ALPL: variants seen among roughly 807,000 people sequenced by gnomAD.
ALPL encodes the protein alkaline phosphatase, tissue-nonspecific isozyme.
Under a neutral mutation model 51.3 loss-of-function variants are expected in ALPL, and 42 were observed. The ratio of observed to expected loss-of-function variants is 0.82; its 90% CI spans 0.64 to 1.06. The LOEUF (loss-of-function observed/expected upper bound fraction) is 1.06, where lower values mean the gene tolerates loss of function less well. ALPL is among the 50% of genes least tolerant of loss of function. ALPL has a pLI of 0.00. For synonymous variants in ALPL, 279 were observed against 296.4 expected, an observed-to-expected ratio of 0.94 and a Z score of 0.60; for missense variants, 589 against 709.4, an observed-to-expected ratio of 0.83 and a Z score of 1.93.
chr1:21,575,671 G>A lies in ALPL; in HGVS notation c.998-62G>A, dbSNP rs1443947682. On this transcript the variant is annotated intron_variant, in intron 9 of 11. Transcript: ENST00000374840. ...GGTTAATCCAGCAGCAGTGTTGTGG[G>A]GCTGGGGAGCAGATCTTCCTCCCCT... 1.0e-5 allele frequency: 16 copies of A among 1,591,556 alleles called. 1 individual carries two copies. The highest frequency in any genetic ancestry group is 2.0e-4 in the Middle Eastern group (1 of 5,106).
At chr1:21,530,330 C>T (rs1285131785) in intron 1 of ALPL, among the ~76,000 whole-genome samples, 1 of 152,146 alleles carries the variant, frequency 6.6e-6, no homozygotes, top group African/African-American at 2.4e-5. Context: ...TATCTCTAAT[C>T]AGTTTGGGTT....
intron 10 of ALPL, 80 bp from the exon 11 acceptor site, chr1:21,576,442 A>G (rs1393642983): frequency 6.3e-7 from 1 of 1,574,830 alleles, no homozygotes; most frequent in Non-Finnish European, 8.7e-7. Flanking sequence ...TTACCAAGCC[A>G]CCAAGGAGCC....
chr1:21,555,441 ACT>A (rs1183098928), intron 2 of ALPL, among the ~76,000 whole-genome samples: 1 of 152,072 alleles, frequency 6.6e-6, no homozygotes, highest in Non-Finnish European at 1.5e-5. Flanking sequence ...ACAGAGACAG[ACT>A]CTCACTCTGT....
At chr1:21,528,267 G>T (rs1218442160) in intron 1 of ALPL, among the ~76,000 whole-genome samples, 2 of 151,102 alleles carry the variant, frequency 1.3e-5, no homozygotes, top group Non-Finnish European at 2.9e-5. Context: ...CGATCCTCCT[G>T]CCGTGGCCTC....
intron 8 of ALPL, 86 bp downstream of exon 8, chr1:21,570,460 CT>C: frequency 1.4e-6 from 2 of 1,406,478 alleles, no homozygotes; most frequent in East Asian, 4.6e-5. Flanking sequence ...GGACAAGGCC[CT>C]AGCCTGACGC....
At chr1:21,527,330 C>A (rs1022261437) in intron 1 of ALPL, among the ~76,000 whole-genome samples, 1 of 152,112 alleles carries the variant, frequency 6.6e-6, no homozygotes, top group Admixed American at 6.6e-5. Flanking sequence ...CCACGCCCGG[C>A]CCTTCTTGTT....
At position 21,554,912 on chromosome 1, in the gene ALPL, T is replaced by C. The variant is rs1174446633; in HGVS notation, c.61+770T>C. 3.5e-3 allele frequency among the ~76,000 whole-genome samples: 136 copies of C among 38,692 alleles called. 1 individual carries two copies. Among genetic ancestry groups the C allele is most frequent in the Admixed American group, 8.0e-3 (31 of 3,852 alleles). 25.4% of individuals were successfully genotyped at this position (38,692 alleles called of 152,430 possible). On this transcript the variant is annotated intron_variant, in intron 2 of 11. Coordinates refer to ENST00000374840, the MANE Select transcript of ALPL (RefSeq NM_000478.6). The stretch of plus-strand genomic sequence containing the variant: ...TTTTCTTTCTTTCTTTCTTTCTCTT[T>C]TCTTTCTTTCTTTCTTTCTTTTCTT...
At chr1:21,527,076 A>G (rs1486914666) in intron 1 of ALPL, among the ~76,000 whole-genome samples, 1 of 126,672 alleles carries the variant, frequency 7.9e-6, no homozygotes, top group Admixed American at 8.0e-5. Flanking sequence ...CTTGTTGCCC[A>G]GGCTGGAGTG....
At position 21,577,689 on chromosome 1, in the gene ALPL, C is replaced by T. The variant is rs776868579; in HGVS notation, c.*41C>T. On this transcript the variant is annotated 3_prime_UTR_variant, in exon 12 of 12. Transcript: ENST00000374840. ...GCACCCACAAGCCCGTGACAGATGCCAACTTCCCACACGGCAGCCCCCCCC... is the reference window on the plus strand; with the variant it reads ...GCACCCACAAGCCCGTGACAGATGCTAACTTCCCACACGGCAGCCCCCCCC... 1.3e-6 allele frequency: 2 copies of T among 1,577,596 alleles called. No homozygotes were observed. The highest frequency in any genetic ancestry group is 1.7e-6 in the Non-Finnish European group (2 of 1,169,370).
In ALPL at chr1:21,559,080, C is replaced by T. The variant is rs559652195; in HGVS notation, c.62-1546C>T. 5.3e-5 allele frequency among the ~76,000 whole-genome samples: 8 copies of T among 152,248 alleles called. No homozygotes were observed. The South Asian group carries it at 1.2e-3, about 24-fold the overall frequency. ...CCACGGCCACTCCGAGAGCCAGGCA[C>T]GCGTCGGAGCTGGGCCAAAAGATGA... On this transcript the variant is annotated intron_variant, in intron 2 of 11. Coordinates refer to ENST00000374840, the MANE Select transcript of ALPL (RefSeq NM_000478.6).
At chr1:21,523,852 T>G (rs1490890411) in intron 1 of ALPL, among the ~76,000 whole-genome samples, 1 of 152,026 alleles carries the variant, frequency 6.6e-6, no homozygotes, top group Non-Finnish European at 1.5e-5. Context: ...TTGGCTCTGG[T>G]GAGGGGGGAT....
In ALPL at chr1:21,563,406, A is replaced by G. The variant is rs72874294; in HGVS notation, c.472+122A>G. The G allele has an allele frequency of 0.011, 12,828 of 1,218,924 alleles. 911 individuals are homozygous for G. The African/African-American group carries it at 0.17, about 16-fold the overall frequency. The allele number at this position is 1,218,924 out of a possible 1,614,324, so 75.5% of individuals were successfully genotyped here. A position where few individuals can be genotyped will look rare whatever the true frequency, so the allele number is the denominator to read the frequency against. The stretch of plus-strand genomic sequence containing the variant: ...TCTCTGTGGGGCTCCCAGCTCTGAT[A>G]TGCTGGGAGTCTGTAATATCCATGG... On this transcript the variant is annotated intron_variant, in intron 5 of 11. Transcript: ENST00000374840.
intron 1 of ALPL, among the ~76,000 whole-genome samples, chr1:21,515,564 T>C (rs1304738253): frequency 2.6e-5 from 4 of 152,104 alleles, no homozygotes; most frequent in African/African-American, 9.7e-5. Context: ...AATTTTTGTA[T>C]TTTTAGTAGA....
chr1:21,571,317 C>T (rs1010396287), intron 8 of ALPL, among the ~76,000 whole-genome samples: 1 of 152,172 alleles, frequency 6.6e-6, no homozygotes, highest in African/African-American at 2.4e-5. Context: ...TTGTCATGAG[C>T]ATGACATGAA....
At chr1:21,521,317 T>G (rs184294342) in intron 1 of ALPL, among the ~76,000 whole-genome samples, 248 of 152,276 alleles carry the variant, frequency 1.6e-3, no homozygotes, top group African/African-American at 5.8e-3. Flanking sequence ...CCTGAGTAGC[T>G]GGGATTACAG....
At chr1:21,525,064 C>T (rs914355166) in intron 1 of ALPL, among the ~76,000 whole-genome samples, 3 of 152,234 alleles carry the variant, frequency 2.0e-5, no homozygotes, top group African/African-American at 7.2e-5. Flanking sequence ...GGCAGTGAAT[C>T]TCAGAGTGCT....
intron 4 of ALPL, among the ~76,000 whole-genome samples, chr1:21,562,766 A>C: frequency 6.9e-6 from 1 of 145,128 alleles, no homozygotes; most frequent in Admixed American, 6.9e-5. Context: ...CTTCTCCAGG[A>C]CTCCCCTGCT....
At chr1:21,570,659 C>T (rs747822031) in intron 8 of ALPL, among the ~76,000 whole-genome samples, 7 of 152,184 alleles carry the variant, frequency 4.6e-5, no homozygotes, top group Non-Finnish European at 8.8e-5. Context: ...AGCGGTACGG[C>T]CCAGGCAAGT....
intron 6 of ALPL, among the ~76,000 whole-genome samples, chr1:21,566,490 C>T (rs1159786791): frequency 6.6e-6 from 1 of 152,054 alleles, no homozygotes; most frequent in Admixed American, 6.6e-5. Context: ...GGGGTTTCGC[C>T]ATGTTGGCCA....
Sources: allele counts gnomAD v4.1 joint callset (sites outside exome capture counted in the v4.1 genomes callset), GRCh38; gene constraint gnomAD v4.1.1; transcripts MANE v1.5; gene names NCBI Gene and HGNC (gene_info 2026-07-23, HGNC 2026-07-21).